CACNA2D1: variants seen among roughly 807,000 people sequenced by gnomAD.
CACNA2D1 encodes voltage-dependent calcium channel subunit alpha-2/delta-1.
A neutral mutation model predicts 171.5 loss-of-function variants in CACNA2D1; 53 were observed. The ratio of observed to expected loss-of-function variants is 0.31; its 90% CI spans 0.25 to 0.39. The LOEUF (loss-of-function observed/expected upper bound fraction) is 0.39, where lower values mean the gene tolerates loss of function less well. Among genes scored for constraint, CACNA2D1 ranks in the 10% least tolerant of loss-of-function variants. The pLI, the probability that CACNA2D1 is intolerant of heterozygous loss-of-function variation, is 1.00. For synonymous variants in CACNA2D1, 442 were observed against 443.1 expected (o/e 1.00, Z 0.03); for missense variants, 903 against 1,299.8 (o/e 0.69, Z 4.69).
chr7:82,088,511 G>T (rs1303946804), intron 6 of CACNA2D1, among the ~76,000 whole-genome samples: 2 of 151,980 alleles, frequency 1.3e-5, no homozygotes, highest in Non-Finnish European at 2.9e-5. Context: ...ATATCACAAA[G>T]ACTTTAAAAT....
intron 3 of CACNA2D1, among the ~76,000 whole-genome samples, chr7:82,180,840 CAG>C (rs1344357283): frequency 2.6e-5 from 4 of 151,714 alleles, no homozygotes; most frequent in African/African-American, 9.7e-5. Flanking sequence ...GGAAGAGGGA[CAG>C]AGAGAAATAG....
rs545691761 is a variant in CACNA2D1 at position 82,443,078 on chromosome 7, C to G, written c.95+287G>C. 3.0e-3 allele frequency among the ~76,000 whole-genome samples: 457 copies of G among 152,294 alleles called. 2 individuals carry two copies. Among genetic ancestry groups the G allele is most frequent in the African/African-American group, 0.011 (439 of 41,570 alleles). On this transcript the variant is annotated intron_variant, in intron 1 of 38. Coordinates refer to ENST00000356860, the MANE Select transcript of CACNA2D1 (RefSeq NM_000722.4). The stretch of plus-strand genomic sequence containing the variant: ...CTGCACTCTGAAGTCTAGAGAATCC[C>G]GTTAGAGACGGGCTGAGACGCCGCG...
At chr7:82,003,048 G>T (rs1172927540) in intron 18 of CACNA2D1, among the ~76,000 whole-genome samples, 1 of 151,920 alleles carries the variant, frequency 6.6e-6, no homozygotes, top group Non-Finnish European at 1.5e-5. Flanking sequence ...TGTATTTGTT[G>T]ATTTCTAAAG....
intron 3 of CACNA2D1, among the ~76,000 whole-genome samples, chr7:82,230,237 T>A (rs1195174122): frequency 6.6e-6 from 1 of 152,224 alleles, no homozygotes; most frequent in Non-Finnish European, 1.5e-5. Flanking sequence ...CAGAGTAGAT[T>A]GGCCTGCTTT....
Position 81,962,480 on chromosome 7 carries a change from C to T in CACNA2D1, c.2796G>A (p.Gln932=), listed in dbSNP as rs1396615160. ...GTGGAAAGGTCAAACTCAAGAGAAACTGCTGTAGAATAGACCTGAATTTTT... is the reference window on the plus strand; with the variant it reads ...GTGGAAAGGTCAAACTCAAGAGAAATTGCTGTAGAATAGACCTGAATTTTT... ...ATAAAWSILQ[Q]FLLSLTFPRL... is the part of the protein sequence containing the mutation. The change falls in exon 35 of 39, where the codon CAG becomes CAA. Residue 932 remains glutamine (Q), a synonymous_variant. Transcript: ENST00000356860. 6 of 1,601,030 alleles carry T rather than the reference C, an allele frequency of 3.7e-6. No individual in the cohort carries two copies. Among genetic ancestry groups the T allele is most frequent in the Non-Finnish European group, 5.1e-6 (6 of 1,172,750 alleles).
chr7:82,154,510 G>T (rs535130236), intron 4 of CACNA2D1, among the ~76,000 whole-genome samples: 1 of 151,922 alleles, frequency 6.6e-6, no homozygotes, highest in Admixed American at 6.6e-5. Context: ...TTAGAGGACT[G>T]GTCAATAGGT....
chr7:82,159,194 C>T (rs1222427840), intron 4 of CACNA2D1, among the ~76,000 whole-genome samples: 2 of 151,812 alleles, frequency 1.3e-5, no homozygotes, highest in African/African-American at 4.8e-5. Context: ...CTACTTTTTC[C>T]TAATAACTTC....
chr7:81,957,972 A>G (rs1793627602), intron 38 of CACNA2D1, among the ~76,000 whole-genome samples: 1 of 152,074 alleles, frequency 6.6e-6, no homozygotes, highest in Non-Finnish European at 1.5e-5. Flanking sequence ...AAGTTTCTCT[A>G]ATGAGTGACA....
chr7:82,360,624 CCT>C (rs1341891750), intron 1 of CACNA2D1, among the ~76,000 whole-genome samples: 2 of 152,042 alleles, frequency 1.3e-5, no homozygotes, highest in African/African-American at 4.8e-5. Flanking sequence ...GAGAGACAGC[CCT>C]GATATGTTTA....
intron 10 of CACNA2D1, among the ~76,000 whole-genome samples, chr7:82,040,209 A>G (rs1298786373): frequency 6.6e-6 from 1 of 152,152 alleles, no homozygotes; most frequent in African/African-American, 2.4e-5. Flanking sequence ...TGGTGGATTT[A>G]GCAGGAGGAT....
rs955105354 is a variant in CACNA2D1, at chr7:82,099,259, G to A, written c.527-14359C>T. ...AAATCTTTTATATTCATTTTACTGA[G>A]ACATCAGTCTTCAATTTTTCCCTTC... On this transcript the variant is annotated intron_variant, in intron 6 of 38. Coordinates refer to ENST00000356860, the MANE Select transcript of CACNA2D1 (RefSeq NM_000722.4). 7.9e-5 allele frequency among the ~76,000 whole-genome samples: 12 copies of A among 151,996 alleles called. No individual in the cohort carries two copies. In the South Asian group the frequency reaches 2.1e-3, roughly 26 times the overall value.
intron 12 of CACNA2D1, among the ~76,000 whole-genome samples, chr7:82,015,185 T>G (rs1800300404): frequency 6.6e-6 from 1 of 152,242 alleles, no homozygotes; most frequent in African/African-American, 2.4e-5. Flanking sequence ...TATTTCCCTA[T>G]TTCATAGGTA....
intron 38 of CACNA2D1, among the ~76,000 whole-genome samples, chr7:81,958,980 A>G (rs1351535759): frequency 1.3e-5 from 2 of 152,014 alleles, no homozygotes; most frequent in Admixed American, 1.3e-4. Flanking sequence ...TGGAATATAA[A>G]TGGAGGCAAC....
intron 5 of CACNA2D1, among the ~76,000 whole-genome samples, chr7:82,134,746 T>G (rs1158899318): frequency 6.6e-6 from 1 of 152,144 alleles, no homozygotes; most frequent in East Asian, 1.9e-4. Context: ...ACTTACACAT[T>G]TTTTTCTCTC....
intron 6 of CACNA2D1, among the ~76,000 whole-genome samples, chr7:82,094,884 G>T (rs972281137): frequency 2.0e-5 from 3 of 152,074 alleles, no homozygotes; most frequent in African/African-American, 7.2e-5. Context: ...GGTCTTTTGT[G>T]TAACCTTTAA....
At chr7:82,149,703 C>T (rs1393938284) in intron 4 of CACNA2D1, among the ~76,000 whole-genome samples, 1 of 150,802 alleles carries the variant, frequency 6.6e-6, no homozygotes, top group Non-Finnish European at 1.5e-5. Context: ...CCAAGGCAGG[C>T]GGATCACAAG....
chr7:82,053,960 T>C (rs772388899), intron 10 of CACNA2D1, among the ~76,000 whole-genome samples: 1 of 152,236 alleles, frequency 6.6e-6, no homozygotes, highest in South Asian at 2.1e-4. Context: ...CAGTAAAGTC[T>C]GTATTAACCT....
intron 3 of CACNA2D1, among the ~76,000 whole-genome samples, chr7:82,203,017 GAGA>G (rs1378277176): frequency 6.6e-6 from 1 of 152,132 alleles, no homozygotes; most frequent in Non-Finnish European, 1.5e-5. Flanking sequence ...GCCCAAGCGG[GAGA>G]AGGACATTGC....
chr7:81,961,840 C>CTACTCCTGA (rs1794164613), intron 36 of CACNA2D1, 54 bp downstream of exon 36: 6 of 365,826 alleles, frequency 1.6e-5, no homozygotes, highest in Middle Eastern at 5.5e-4. Flanking sequence ...ATGATTATAA[C>CTACTCCTGA]AGTATATACA....
Sources: allele counts gnomAD v4.1 joint callset (sites outside exome capture counted in the v4.1 genomes callset), GRCh38; gene constraint gnomAD v4.1.1; transcripts MANE v1.5; gene names NCBI Gene and HGNC (gene_info 2026-07-23, HGNC 2026-07-21).